Variants in LRRC23 observed in about 807,000 individuals in gnomAD.
The protein encoded by LRRC23 is leucine-rich repeat-containing protein 23.
In LRRC23, 28 loss-of-function variants were observed where a neutral mutation model predicts 37.7. That is an observed-to-expected ratio of 0.74 (90% CI 0.55 to 1.02). The LOEUF is 1.02. LRRC23 is among the 50% of genes least tolerant of loss of function. The pLI, the probability that LRRC23 is intolerant of heterozygous loss-of-function variation, is 0.00. For missense variants in LRRC23, 377 were observed against 413.2 expected (o/e 0.91, Z 0.76); for synonymous variants, 161 against 165.4 (o/e 0.97, Z 0.20).
chr12:6,906,751 A>T (rs1007924), intron 4 of LRRC23, 89 bp downstream of exon 4: 13 of 1,367,498 alleles, frequency 9.5e-6, no homozygotes, highest in Non-Finnish European at 1.2e-5. Flanking sequence ...GCTAGGGCAC[A>T]TGGCAGTCTG....
At chr12:6,912,661 C>T in intron 6 of LRRC23, 69 bp from the exon 7 acceptor site, 1 of 1,389,770 alleles carries the variant, frequency 7.2e-7, no homozygotes, top group South Asian at 1.2e-5. Flanking sequence ...CCCCCAGAGG[C>T]CCCATTCCTA....
At position 6,911,427 on chromosome 12, in the gene LRRC23, C is replaced by T. The variant is rs189404225; in HGVS notation, c.759-1303C>T. Reference sequence around the variant, plus strand: ...GTGGGGTGTGTATCTGTGCCATCTTCCTGTTAATGATCTAGACAGGCATGA... The same window carrying T: ...GTGGGGTGTGTATCTGTGCCATCTTTCTGTTAATGATCTAGACAGGCATGA... On this transcript the variant is annotated intron_variant, in intron 6 of 7. Transcript: ENST00000443597. Among the ~76,000 whole-genome samples, 418 of 152,230 alleles carry T rather than the reference C, an allele frequency of 2.7e-3. 2 individuals are homozygous for T. The highest frequency in any genetic ancestry group is 8.6e-3 in the African/African-American group (359 of 41,520).
In LRRC23 at chr12:6,906,524, C is replaced by T; in HGVS notation, c.352C>T (p.Leu118Phe). The change falls in exon 4 of 8, where the codon CTC (leucine) becomes TTC (phenylalanine). Residue 118 changes from leucine (L) to phenylalanine (F), a missense_variant. Leu to Phe is a conservative substitution (Grantham distance 22). Around this residue, in one of 3 missense-constraint regions of LRRC23, gnomAD observed 266 missense variants for 285.6 expected, o/e 0.93. Coordinates refer to ENST00000443597, the MANE Select transcript of LRRC23 (RefSeq NM_001135217.2). ...CAACTACCTCACCCACCTGCTCTGG[C>T]TCAAGGCTGATGGCAATCGGCTGCG... is the stretch of plus-strand genomic sequence containing the variant. ...PLNYLTHLLW[L>F]KADGNRLRSA... The T allele has an allele frequency of 1.2e-6, 2 of 1,614,226 alleles. No individual in the cohort carries two copies. Among genetic ancestry groups the T allele is most frequent in the Non-Finnish European group, 1.7e-6 (2 of 1,180,052 alleles).
At position 6,906,543 on chromosome 12, in the gene LRRC23, G is replaced by C. The variant is rs2071073; in HGVS notation, c.371G>C (p.Arg124Pro). The change falls in exon 4 of 8, where the codon CGG (arginine) becomes CCG (proline). Residue 124 changes from arginine to proline, a missense_variant. Coordinates refer to ENST00000443597, the MANE Select transcript of LRRC23 (RefSeq NM_001135217.2). ...CTCTGGCTCAAGGCTGATGGCAATC[G>C]GCTGCGAAGTGCCCAGATGAATGAA... The part of the protein sequence containing the change: ...HLLWLKADGN[R>P]LRSAQMNELP... The C allele has an allele frequency of 5.6e-6, 9 of 1,613,988 alleles. No homozygotes were observed. Among genetic ancestry groups the C allele is most frequent in the Non-Finnish European group, 7.6e-6 (9 of 1,180,034 alleles).
intron 5 of LRRC23, among the ~76,000 whole-genome samples, chr12:6,909,687 G>T (rs1454174122): frequency 6.7e-6 from 1 of 150,078 alleles, no homozygotes; most frequent in Admixed American, 6.8e-5. Flanking sequence ...ATGGTAGAGG[G>T]TTACTGCTGA....
intron 6 of LRRC23, among the ~76,000 whole-genome samples, chr12:6,911,064 C>G (rs782708137): frequency 6.6e-6 from 1 of 152,156 alleles, no homozygotes; most frequent in Non-Finnish European, 1.5e-5. Flanking sequence ...TCCTGCCTCT[C>G]TTCTCCTGAG....
intron 7 of LRRC23, among the ~76,000 whole-genome samples, chr12:6,913,565 T>TTTG (rs1945237530): frequency 8.0e-6 from 1 of 124,508 alleles, no homozygotes; most frequent in Non-Finnish European, 1.7e-5. Context: ...GTTTTTTTTT[T>TTTG]TTTTTTTTTT....
chr12:6,913,319 T>G, intron 7 of LRRC23: 1 of 382,026 alleles, frequency 2.6e-6, no homozygotes, highest in South Asian at 3.1e-5. Context: ...TGAAGTCGGC[T>G]AGGAAAGGAC....
chr12:6,908,711 C>T (rs1206308628), intron 5 of LRRC23, among the ~76,000 whole-genome samples: 1 of 149,168 alleles, frequency 6.7e-6, no homozygotes, highest in Non-Finnish European at 1.5e-5. Context: ...GTAGTCCCAG[C>T]TACTCGGGAG....
chr12:6,910,177 G>C, intron 6 of LRRC23, 151 bp downstream of exon 6: 1 of 689,228 alleles, frequency 1.5e-6, no homozygotes, highest in Non-Finnish European at 2.4e-6. Context: ...TCTGCACTGA[G>C]TTGCAACACT....
chr12:6,913,562 T>TTTG (rs1565556417), intron 7 of LRRC23, among the ~76,000 whole-genome samples: 5 of 111,242 alleles, frequency 4.5e-5, no homozygotes, highest in Non-Finnish European at 8.7e-5. Flanking sequence ...TTTGTTTTTT[T>TTTG]TTTTTTTTTT....
intron 6 of LRRC23, 22 bp from the exon 7 acceptor site, chr12:6,912,708 C>T (rs1555140895): frequency 6.2e-7 from 1 of 1,608,688 alleles, no homozygotes; most frequent in Non-Finnish European, 8.5e-7. Context: ...CCTGCATGAA[C>T]CCCTCCTGAC....
chr12:6,913,237 AG>A, intron 7 of LRRC23: 1 of 545,686 alleles, frequency 1.8e-6, no homozygotes, highest in Non-Finnish European at 3.2e-6. Context: ...AGGCCAGAAG[AG>A]TAAGTGAAAA....
At chr12:6,909,583 TG>T (rs1945108357) in intron 5 of LRRC23, among the ~76,000 whole-genome samples, 1 of 144,108 alleles carries the variant, frequency 6.9e-6, no homozygotes, top group Non-Finnish European at 1.5e-5. Context: ...GGGATGGTGC[TG>T]ATGCCAATCC....
At chr12:6,913,559 T>TTTTTTG (rs1945234904) in intron 7 of LRRC23, among the ~76,000 whole-genome samples, 5 of 103,936 alleles carry the variant, frequency 4.8e-5, no homozygotes, top group Non-Finnish European at 3.6e-5. Flanking sequence ...CTGTTTGTTT[T>TTTTTTG]TTTTTTTTTT....
intron 5 of LRRC23, among the ~76,000 whole-genome samples, chr12:6,908,502 C>A (rs1555139999): frequency 6.8e-6 from 1 of 147,136 alleles, no homozygotes; most frequent in South Asian, 2.1e-4. Flanking sequence ...GAGGCTGAGG[C>A]AGCAGAATGG....
At position 6,905,396 on chromosome 12, in the gene LRRC23, C is replaced by T. The variant is rs1944915733; in HGVS notation, c.-49-189C>T. On this transcript the variant is annotated intron_variant, in intron 1 of 7. Coordinates refer to ENST00000443597, the MANE Select transcript of LRRC23 (RefSeq NM_001135217.2). ...AAGGCCTGGGGGTGTGGGTGACATC[C>T]TGAAGGGAGGGGGTCCTCAGTGGAA... The T allele has an allele frequency of 7.4e-6, 3 of 404,286 alleles. No individual in the cohort carries two copies. In the Admixed American group the frequency reaches 1.1e-4, roughly 15 times the overall value. The allele number at this position is 404,286 out of a possible 1,614,324, so 25.0% of individuals were successfully genotyped here. A position where few individuals can be genotyped will look rare whatever the true frequency, so the allele number is the denominator to read the frequency against.
rs1297919154 is a variant in LRRC23 at position 6,908,612 on chromosome 12, A to C, written c.621+1167A>C. On this transcript the variant is annotated intron_variant, in intron 5 of 7. Transcript: ENST00000443597. ...ACTCCATCTCAAAAAAAAAAAAAAA[A>C]AAAAAAAACCAAAGAAAAACACGGT... is the stretch of plus-strand genomic sequence containing the variant. Among the ~76,000 whole-genome samples, 18 of 121,884 alleles carry C rather than the reference A, an allele frequency of 1.5e-4. 1 individual carries two copies. Among genetic ancestry groups the C allele is most frequent in the African/African-American group, 5.9e-4 (16 of 27,194 alleles). The allele number at this position is 121,884 out of a possible 152,430, so 80.0% of individuals were successfully genotyped here.
chr12:6,908,367 C>T (rs1470027417), intron 5 of LRRC23, among the ~76,000 whole-genome samples: 4 of 151,922 alleles, frequency 2.6e-5, no homozygotes, highest in African/African-American at 4.8e-5. Context: ...GAGGCTGAGG[C>T]GGGCGGATCA....
Sources: gnomAD v4.1 joint callset for allele counts (sites outside exome capture counted in the v4.1 genomes callset) on GRCh38, gnomAD v4.1.1 for gene constraint, gnomAD v4.1.1 regional missense constraint, MANE v1.5 for transcripts, NCBI Gene and HGNC (gene_info 2026-07-23, HGNC 2026-07-21) for gene names.